TRPV3: variants seen among roughly 807,000 people sequenced by gnomAD.
TRPV3 encodes transient receptor potential cation channel subfamily V member 3, also known as VRL-3.
TRPV3 carries 88 observed loss-of-function variants against 87.1 expected under a neutral mutation model. That is an observed-to-expected ratio of 1.01 (90% CI 0.85 to 1.21). The LOEUF (loss-of-function observed/expected upper bound fraction) is 1.21. Among genes scored for constraint, TRPV3 ranks in the 50% most tolerant of loss-of-function variants. The pLI is 0.00. For synonymous variants in TRPV3, 438 were observed against 423.3 expected, an observed-to-expected ratio of 1.03 and a Z score of -0.43; for missense variants, 1,054 against 1,030.1, an observed-to-expected ratio of 1.02 and a Z score of -0.32.
In TRPV3 at chr17:3,518,826, C is replaced by T. The variant is rs2074207318; in HGVS notation, c.1835G>A (p.Cys612Tyr). 6.2e-7 allele frequency: 1 copy of T among 1,614,044 alleles called. No individual in the cohort carries two copies. The highest frequency in any genetic ancestry group is 1.1e-5 in the South Asian group (1 of 91,070). ...GCTGCAGTCCTTGTTGTCTTTGGGA[C>T]ACTTCTCGATCAGCGAGGCCAAGGC... ...GVALASLIEK[C>Y]PKDNKDCSSY... The change falls in exon 15 of 18, where the codon TGT becomes TAT. Residue 612 changes from cysteine (C) to tyrosine (Y), a missense_variant. Cys to Tyr is a radical substitution (Grantham distance 194, BLOSUM62 -2). Transcript: ENST00000576742. This position sits in a 1 kb window ranked among gnomAD's most constrained non-coding sequence, Gnocchi z 4.3.
chr17:3,548,838 C>T (rs2074547637), intron 2 of TRPV3, among the ~76,000 whole-genome samples: 1 of 152,190 alleles, frequency 6.6e-6, no homozygotes, highest in Admixed American at 6.6e-5. Flanking sequence ...TGATCACTTG[C>T]CATCTCTGGG....
At chr17:3,550,564 G>T (rs188010949) in intron 2 of TRPV3, among the ~76,000 whole-genome samples, 3 of 119,492 alleles carry the variant, frequency 2.5e-5, no homozygotes, top group Non-Finnish European at 4.8e-5. Flanking sequence ...TCGCTCTGTC[G>T]CCTAGGCTGG....
chr17:3,539,921 A>C (rs1022654778), intron 6 of TRPV3, among the ~76,000 whole-genome samples: 1 of 151,940 alleles, frequency 6.6e-6, no homozygotes, highest in African/African-American at 2.4e-5. Flanking sequence ...CAGTGGGGAA[A>C]CTGAGGCTCA....
chr17:3,556,035 G>T lies in TRPV3; in HGVS notation c.-2-1183C>A, dbSNP rs376493100. Among the ~76,000 whole-genome samples the T allele has an allele frequency of 6.6e-6, 1 of 151,898 alleles. No homozygotes were observed. Among genetic ancestry groups the T allele is most frequent in the Non-Finnish European group, 1.5e-5 (1 of 67,962 alleles). On this transcript the variant is annotated intron_variant, in intron 1 of 17. Transcript: ENST00000576742. This position sits in a 1 kb window ranked among gnomAD's most constrained non-coding sequence, Gnocchi z 4.2. ...CTACTAAAATACAAAAAATTAGCCG[G>T]GCATGGTGGTACATGCCTGTAGTCC... is the stretch of plus-strand genomic sequence containing the variant.
rs1199023956 is a variant in TRPV3 at position 3,557,041 on chromosome 17, C to G, written c.-3+635G>C. On this transcript the variant is annotated intron_variant, in intron 1 of 17. Coordinates refer to ENST00000576742, the MANE Select transcript of TRPV3 (RefSeq NM_145068.4). The surrounding 1 kb of genome is among the most constrained non-coding windows in gnomAD (Gnocchi z 4.5). ...CGAGAATGTGGCCTGCCCTGGGCCT[C>G]TGGGGCAGGAGAGGCTCAGGGAACT... 6.6e-6 allele frequency among the ~76,000 whole-genome samples: 1 copy of G among 152,076 alleles called. No individual in the cohort carries two copies. Among genetic ancestry groups the G allele is most frequent in the Non-Finnish European group, 1.5e-5 (1 of 68,000 alleles).
rs576785507 is a variant in TRPV3 at position 3,550,617 on chromosome 17, C to T, written c.119+4115G>A. On this transcript the variant is annotated intron_variant, in intron 2 of 17. Coordinates refer to ENST00000576742, the MANE Select transcript of TRPV3 (RefSeq NM_145068.4). ...TCAGCTCACTGCAAGCTCTGCCTCC[C>T]GGGTTCATGCCATTCTCCTGCCTCA... Among the ~76,000 whole-genome samples the T allele has an allele frequency of 1.3e-3, 196 of 151,396 alleles. 2 individuals carry two copies. The highest frequency in any genetic ancestry group is 2.3e-3 in the Non-Finnish European group (159 of 67,858).
intron 2 of TRPV3, among the ~76,000 whole-genome samples, chr17:3,549,714 G>GATGGATGGATGC (rs2074555487): frequency 6.6e-6 from 1 of 151,650 alleles, no homozygotes; most frequent in African/African-American, 2.4e-5. Flanking sequence ...TGGATGGATG[G>GATGGATGGATGC]ATGGATGGAT....
At chr17:3,517,144 T>C (rs909297146) in intron 15 of TRPV3, among the ~76,000 whole-genome samples, 5 of 151,794 alleles carry the variant, frequency 3.3e-5, no homozygotes, top group Non-Finnish European at 7.4e-5. Context: ...AACTCCATGA[T>C]ATAAATAATA....
intron 14 of TRPV3, among the ~76,000 whole-genome samples, chr17:3,519,594 A>C (rs1174528070): frequency 3.0e-5 from 3 of 100,544 alleles, no homozygotes; most frequent in Non-Finnish European, 4.1e-5. Flanking sequence ...GGATGAATGG[A>C]TGGATGACTG....
rs150913459 is a variant in TRPV3 at position 3,521,376 on chromosome 17, G to A, written c.1744-337C>T. On this transcript the variant is annotated intron_variant, in intron 13 of 17. Coordinates refer to ENST00000576742, the MANE Select transcript of TRPV3 (RefSeq NM_145068.4). ...TCAGAAGAGCTCGCAAGAGCTGATC[G>A]TTAAATTCTCATGAAGCTTGTGAGC... Among the ~76,000 whole-genome samples the A allele has an allele frequency of 8.6e-3, 1,308 of 152,300 alleles. 19 individuals carry two copies. Among genetic ancestry groups the A allele is most frequent in the African/African-American group, 0.03 (1,246 of 41,558 alleles).
chr17:3,541,617 C>T (rs2074461820), intron 6 of TRPV3, among the ~76,000 whole-genome samples: 1 of 152,180 alleles, frequency 6.6e-6, no homozygotes, highest in South Asian at 2.1e-4. Context: ...AAGAAATCCA[C>T]AAAACTGAGA....
intron 8 of TRPV3, among the ~76,000 whole-genome samples, chr17:3,531,532 C>T (rs1271638942): frequency 5.9e-5 from 9 of 152,186 alleles, no homozygotes; most frequent in Admixed American, 3.3e-4. Context: ...AGGTGCCTCC[C>T]CCGGGCCGGC....
At chr17:3,514,732 AGCCCT>A (rs1249991913) in intron 16 of TRPV3, 60 bp from the exon 17 acceptor site, 2 of 1,362,166 alleles carry the variant, frequency 1.5e-6, no homozygotes, top group Non-Finnish European at 1.0e-6. Flanking sequence ...ACTAACAAAT[AGCCCT>A]GCGTTTGGGA....
rs8082339 is a variant in TRPV3 at position 3,516,396 on chromosome 17, A to G, written c.2198+61T>C. The G allele has an allele frequency of 0.98, 1,275,458 of 1,306,100 alleles. 623,812 individuals are homozygous for G. Among genetic ancestry groups the G allele is most frequent in the East Asian group, 1 (43,356 of 43,366 alleles). The allele number at this position is 1,306,100 out of a possible 1,614,324, so 80.9% of individuals were successfully genotyped here. Reference sequence around the variant, plus strand: ...ACTGTTTCTCTAACATCCTGTCACCATCCTGCCCCTCTCTACCCACCCCAA... The same window carrying G: ...ACTGTTTCTCTAACATCCTGTCACCGTCCTGCCCCTCTCTACCCACCCCAA... On this transcript the variant is annotated intron_variant, in intron 16 of 17. Transcript: ENST00000576742.
chr17:3,536,425 C>G (rs1199421250), intron 6 of TRPV3, among the ~76,000 whole-genome samples: 3 of 152,240 alleles, frequency 2.0e-5, no homozygotes, highest in South Asian at 4.1e-4. Flanking sequence ...ATGGTCTGTA[C>G]TAAAAATACA....
chr17:3,522,572 C>T (rs537834826), intron 13 of TRPV3, among the ~76,000 whole-genome samples: 1 of 150,100 alleles, frequency 6.7e-6, no homozygotes, highest in Non-Finnish European at 1.5e-5. Context: ...CACCCCCCAG[C>T]ACTTTGGGAG....
At position 3,518,696 on chromosome 17, in the gene TRPV3, C is replaced by A. The variant is rs1438801910; in HGVS notation, c.1965G>T (p.Leu655=). ...GGATGACATAGGTGATGAGCAGGAA[C>A]AGAAAGAGAATGGGATACTTGGAGT... ...QQNSKYPILF[L]FLLITYVILT... The change falls in exon 15 of 18, where the codon CTG becomes CTT. Residue 655 remains leucine, a synonymous_variant. Coordinates refer to ENST00000576742, the MANE Select transcript of TRPV3 (RefSeq NM_145068.4). This position sits in a 1 kb window ranked among gnomAD's most constrained non-coding sequence, Gnocchi z 4.3. The A allele has an allele frequency of 6.2e-7, 1 of 1,611,276 alleles. No homozygotes were observed. Among genetic ancestry groups the A allele is most frequent in the Non-Finnish European group, 8.5e-7 (1 of 1,178,894 alleles).
At chr17:3,542,916 T>G (rs1238665546) in intron 5 of TRPV3, among the ~76,000 whole-genome samples, 4 of 152,058 alleles carry the variant, frequency 2.6e-5, no homozygotes, top group Non-Finnish European at 1.5e-5. Flanking sequence ...GTGACGTATC[T>G]GAGGCCTTTT....
At chr17:3,517,979 T>C (rs2074199720) in intron 15 of TRPV3, among the ~76,000 whole-genome samples, 1 of 151,960 alleles carries the variant, frequency 6.6e-6, no homozygotes, top group Non-Finnish European at 1.5e-5. Flanking sequence ...CTAACACACC[T>C]GGCTAGCTTT....
Sources: allele counts gnomAD v4.1 joint callset (sites outside exome capture counted in the v4.1 genomes callset), GRCh38; gene constraint gnomAD v4.1.1; non-coding constraint Gnocchi (gnomAD v3.1); transcripts MANE v1.5; gene names NCBI Gene and HGNC (gene_info 2026-07-23, HGNC 2026-07-21).